VSIR: variants seen among roughly 807,000 people sequenced by gnomAD.
VSIR encodes V-set immunoregulatory receptor.
Under a neutral mutation model 31.0 loss-of-function variants are expected in VSIR, and 10 were observed. The observed-to-expected ratio is 0.32, with a 90% CI of 0.20 to 0.55. VSIR has a LOEUF of 0.55. VSIR is among the 20% of genes least tolerant of loss of function. VSIR has a pLI of 0.93. For synonymous variants in VSIR, 179 were observed against 180.1 expected (o/e 0.99, Z 0.05); for missense variants, 356 against 416.2 (o/e 0.86, Z 1.26).
At chr10:71,763,978 T>G (rs1401782954) in intron 1 of VSIR, among the ~76,000 whole-genome samples, 1 of 152,186 alleles carries the variant, frequency 6.6e-6, no homozygotes, top group Non-Finnish European at 1.5e-5. Flanking sequence ...GAGTGGAGTT[T>G]TAGGCAGAGA....
intron 5 of VSIR, among the ~76,000 whole-genome samples, chr10:71,752,616 C>G (rs7074978): frequency 1.3e-5 from 2 of 152,036 alleles, no homozygotes; most frequent in African/African-American, 4.8e-5. Context: ...GAGTTCTCTG[C>G]GGGCAGGAGG....
chr10:71,761,775 C>G lies in VSIR; in HGVS notation c.334G>C (p.Asp112His). 1 of 1,614,130 alleles carries G rather than the reference C, an allele frequency of 6.2e-7. No homozygotes were observed. The highest frequency in any genetic ancestry group is 8.5e-7 in the Non-Finnish European group (1 of 1,180,034). The change falls in exon 2 of 7, where the codon GAC (aspartate) becomes CAC (histidine). Residue 112 changes from aspartate to histidine, a missense_variant. Asp to His is a moderately conservative substitution (Grantham distance 81). This residue lies in a region of VSIR where 166 missense variants were observed against 231.0 expected (regional missense o/e 0.72). Transcript: ENST00000394957. The part of the protein sequence containing the change: ...GGHQAANTSH[D>H]LAQRHGLESA... Reference sequence around the variant, plus strand: ...TCCAGCCCGTGGCGCTGAGCCAGGTCGTGGCTGGTGTTGGCAGCCTGGTGG... The same window carrying G: ...TCCAGCCCGTGGCGCTGAGCCAGGTGGTGGCTGGTGTTGGCAGCCTGGTGG...
intron 1 of VSIR, among the ~76,000 whole-genome samples, chr10:71,767,364 G>C (rs536049801): frequency 6.6e-6 from 1 of 152,180 alleles, no homozygotes; most frequent in South Asian, 2.1e-4. Flanking sequence ...TTGGTTAGTC[G>C]GGCCTAGGAA....
At chr10:71,763,338 G>A (rs1005655582) in intron 1 of VSIR, among the ~76,000 whole-genome samples, 4 of 152,214 alleles carry the variant, frequency 2.6e-5, no homozygotes, top group Admixed American at 2.6e-4. Context: ...TGGCATGTCA[G>A]GCTGTTGTGG....
chr10:71,770,278 T>A (rs958018972), intron 1 of VSIR, among the ~76,000 whole-genome samples: 23 of 152,330 alleles, frequency 1.5e-4, no homozygotes, highest in Non-Finnish European at 2.8e-4. Flanking sequence ...ACAGTTGCCC[T>A]CCAAGGGAGG....
chr10:71,760,088 CATATACACACACACATACAT>C (rs1840302417), intron 3 of VSIR, among the ~76,000 whole-genome samples: 1 of 125,752 alleles, frequency 8.0e-6, no homozygotes, highest in African/African-American at 2.8e-5. Context: ...TATACACACA[CATATACACACACACATACAT>C]ACATATATGT....
intron 3 of VSIR, among the ~76,000 whole-genome samples, chr10:71,759,080 C>G (rs1322473818): frequency 6.6e-6 from 1 of 151,902 alleles, no homozygotes; most frequent in Non-Finnish European, 1.5e-5. Context: ...GCTCTATCAG[C>G]AGGCTGGAGT....
At chr10:71,769,835 T>G (rs1162334631) in intron 1 of VSIR, among the ~76,000 whole-genome samples, 2 of 152,242 alleles carry the variant, frequency 1.3e-5, no homozygotes, top group East Asian at 3.8e-4. Context: ...ACTGTCTTTG[T>G]CTTTGGTGAT....
intron 1 of VSIR, among the ~76,000 whole-genome samples, chr10:71,766,418 C>G (rs142710511): frequency 1.3e-5 from 2 of 152,120 alleles, no homozygotes; most frequent in East Asian, 1.9e-4. Context: ...GGAAGAGTGC[C>G]GTGAACCTGG....
At chr10:71,753,173 C>T (rs1840049598) in intron 4 of VSIR, among the ~76,000 whole-genome samples, 171 bp from the exon 5 acceptor site, 1 of 152,198 alleles carries the variant, frequency 6.6e-6, no homozygotes, top group South Asian at 2.1e-4. Flanking sequence ...AAGCGATCTG[C>T]GTGTCTGTCC....
At position 71,751,717 on chromosome 10, in the gene VSIR, G is replaced by T. The variant is rs139821326; in HGVS notation, c.849C>A (p.Ser283Arg). The T allele has an allele frequency of 5.7e-6, 9 of 1,578,240 alleles. 1 individual carries two copies. The African/African-American group carries it at 8.1e-5, about 14-fold the overall frequency. ...ESGRHLLSEP[S>R]TPLSPPGPGD... is the part of the protein sequence containing the mutation. ...CGGGGCCTGGAGGAGACAGGGGGGT[G>T]CTGGGCTCCGAAAGCAGATGCCGCC... The change falls in exon 6 of 7, where the codon AGC (serine) becomes AGA (arginine). Residue 283 changes from serine (S) to arginine (R), a missense_variant. Physicochemically the swap from Ser to Arg is moderately radical, Grantham distance 110. Transcript: ENST00000394957. This position sits in a 1 kb window ranked among gnomAD's most constrained non-coding sequence, Gnocchi z 4.9.
chr10:71,748,014 C>T lies in VSIR; in HGVS notation c.*3239G>A, dbSNP rs1455683228. On this transcript the variant is annotated 3_prime_UTR_variant, in exon 7 of 7. Coordinates refer to ENST00000394957, the MANE Select transcript of VSIR (RefSeq NM_022153.2). The stretch of plus-strand genomic sequence containing the variant: ...GGCTGGGCTTCAAGAGGCCTTTGTT[C>T]CCAGCATCCTGGTTAGCAACCCCAG... 1 of 152,316 alleles carries T rather than the reference C, an allele frequency of 6.6e-6. No individual in the cohort carries two copies. Among genetic ancestry groups the T allele is most frequent in the African/African-American group, 2.4e-5 (1 of 41,456 alleles). 9.4% of individuals were successfully genotyped at this position (152,316 alleles called of 1,614,324 possible). A position where few individuals can be genotyped will look rare whatever the true frequency, so the allele number is the denominator to read the frequency against.
intron 3 of VSIR, chr10:71,757,630 C>A (rs1477209168): frequency 6.6e-6 from 1 of 152,204 alleles, no homozygotes; most frequent in Non-Finnish European, 1.5e-5. Context: ...GCAGAGGTAG[C>A]TGCCGACACC....
rs1343938093 is a variant in VSIR at position 71,751,992 on chromosome 10, A to G, written c.705-131T>C. 2 of 1,036,494 alleles carry G rather than the reference A, an allele frequency of 1.9e-6. No individual in the cohort carries two copies. The highest frequency in any genetic ancestry group is 2.9e-6 in the Non-Finnish European group (2 of 691,946). The allele number at this position is 1,036,494 out of a possible 1,614,324, so 64.2% of individuals were successfully genotyped here. A position where few individuals can be genotyped will look rare whatever the true frequency, so the allele number is the denominator to read the frequency against. On this transcript the variant is annotated intron_variant, in intron 5 of 6. Transcript: ENST00000394957. This position sits in a 1 kb window ranked among gnomAD's most constrained non-coding sequence, Gnocchi z 4.9. The stretch of plus-strand genomic sequence containing the variant: ...ATCCCCAAGCCTCAGCAGCATCTCC[A>G]AGCAAGAAGGCAGGAGCCAGGCCCA...
intron 3 of VSIR, among the ~76,000 whole-genome samples, chr10:71,759,702 C>T (rs1210185720): frequency 1.3e-5 from 2 of 151,670 alleles, no homozygotes; most frequent in African/African-American, 2.4e-5. Flanking sequence ...ATCCTAGCTA[C>T]TCGGGAGGCT....
In VSIR at chr10:71,760,901, C is replaced by T; in HGVS notation, c.535G>A (p.Val179Met). 6.2e-7 allele frequency: 1 copy of T among 1,613,842 alleles called. No homozygotes were observed. Among genetic ancestry groups the T allele is most frequent in the Non-Finnish European group, 8.5e-7 (1 of 1,179,766 alleles). ...TCCTGGGAGGAGGATGGGTACACCA[C>T]ACAGTTGGATGGTGCATCTTTGCCT... is the stretch of plus-strand genomic sequence containing the variant. ...QTGKDAPSNC[V>M]VYPSSSQDSE... Residue 179 changes from valine (V) to methionine (M), a missense_variant, in exon 3 of 7, where the codon GTG (valine) becomes ATG (methionine). Physicochemically the swap from Val to Met is conservative, Grantham distance 21. Transcript: ENST00000394957.
intron 2 of VSIR, 149 bp downstream of exon 2, chr10:71,761,449 G>C: frequency 2.1e-6 from 2 of 959,172 alleles, no homozygotes; most frequent in Non-Finnish European, 1.5e-6. Context: ...ACACACCCTT[G>C]ACCACCCCAT....
chr10:71,755,206 C>A, intron 4 of VSIR, 153 bp downstream of exon 4: 1 of 795,632 alleles, frequency 1.3e-6, no homozygotes, highest in Non-Finnish European at 2.1e-6. Context: ...GGCCATTTCG[C>A]CCAGCTCCTG....
intron 4 of VSIR, among the ~76,000 whole-genome samples, chr10:71,753,355 G>A (rs1422821059): frequency 6.6e-6 from 1 of 152,260 alleles, no homozygotes; most frequent in Admixed American, 6.5e-5. Context: ...TAAGTATCGA[G>A]CAAAGGTCAA....
Sources: gnomAD v4.1 joint callset for allele counts (sites outside exome capture counted in the v4.1 genomes callset) on GRCh38, gnomAD v4.1.1 for gene constraint, gnomAD v4.1.1 regional missense constraint, Gnocchi (gnomAD v3.1) non-coding constraint, MANE v1.5 for transcripts, NCBI Gene and HGNC (gene_info 2026-07-23, HGNC 2026-07-21) for gene names.